The following RGPD4 variants were observed in gnomAD, a reference collection of about 807,000 sequenced individuals.
The protein encoded by RGPD4 is RANBP2 like and GRIP domain containing 4.
Under a neutral mutation model 141.1 loss-of-function variants are expected in RGPD4, and 84 were observed. The ratio of observed to expected loss-of-function variants is 0.60; its 90% CI spans 0.50 to 0.71. The LOEUF is 0.71. RGPD4 is among the 30% of genes least tolerant of loss of function. RGPD4 has a pLI of 0.00. For missense variants in RGPD4, 918 were observed against 1,622.4 expected (o/e 0.57, Z 7.46); for synonymous variants, 298 against 566.8 (o/e 0.53, Z 6.74).
At chr2:107,882,413 C>G (rs1238873396) in intron 21 of RGPD4, among the ~76,000 whole-genome samples, 4 of 151,694 alleles carry the variant, frequency 2.6e-5, no homozygotes, top group Admixed American at 2.0e-4. Flanking sequence ...AATCCACTTT[C>G]TAGGCAAATG....
chr2:107,869,185 T>C (rs1682827028), intron 18 of RGPD4, among the ~76,000 whole-genome samples: 1 of 69,452 alleles, frequency 1.4e-5, no homozygotes, highest in Admixed American at 1.2e-4. Flanking sequence ...GCATGAAAGA[T>C]CTTTTGGTTG....
At chr2:107,828,198 A>G (rs1258687232) in intron 1 of RGPD4, among the ~76,000 whole-genome samples, 3 of 11,748 alleles carry the variant, frequency 2.6e-4, no homozygotes, top group Admixed American at 9.0e-4. Flanking sequence ...CTGTTGAGGC[A>G]GCGGCCTCGA....
intron 22 of RGPD4, among the ~76,000 whole-genome samples, chr2:107,886,447 T>C (rs555668635): frequency 1.4e-5 from 2 of 140,914 alleles, no homozygotes; most frequent in Admixed American, 7.2e-5. Flanking sequence ...TACTATCTCA[T>C]GTACTAAAAG....
At position 107,871,698 on chromosome 2, in the gene RGPD4, T is replaced by C; in HGVS notation, c.3694T>C (p.Ser1232Pro). Residue 1232 changes from serine to proline, a missense_variant, in exon 20 of 23, where the codon TCA (serine) becomes CCA (proline). Physicochemically the swap from Ser to Pro is moderately conservative, Grantham distance 74. Transcript: ENST00000408999. ...KGSGTGAAGA[S>P]DTTIKPNPEN... The stretch of plus-strand genomic sequence containing the variant: ...TTCAGGTACAGGTGCGGCCGGTGCC[T>C]CAGACACAACAATAAAACCCAATCC... The C allele has an allele frequency of 6.2e-7, 1 of 1,610,016 alleles. No individual in the cohort carries two copies.
At chr2:107,831,603 T>A (rs1265295683) in intron 1 of RGPD4, among the ~76,000 whole-genome samples, 1 of 111,086 alleles carries the variant, frequency 9.0e-6, no homozygotes, top group Non-Finnish European at 1.7e-5. Context: ...TGAGACGGAG[T>A]CTCGCTCTAT....
rs917150707 is a variant in RGPD4, at chr2:107,844,731, AC to A, written c.782+1002del. On this transcript the variant is annotated intron_variant, in intron 6 of 22. Transcript: ENST00000408999. ...ATGTTTTATTTTGTGTTCTTTGTAT[AC>A]TCAAATTTTTTGGTCACAAGTTCCT... Among the ~76,000 whole-genome samples the A allele has an allele frequency of 3.1e-3, 383 of 123,596 alleles. 5 individuals carry two copies. Among genetic ancestry groups the A allele is most frequent in the African/African-American group, 0.011 (347 of 32,296 alleles). 81.1% of individuals were successfully genotyped at this position (123,596 alleles called of 152,430 possible). A position where few individuals can be genotyped will look rare whatever the true frequency, so the allele number is the denominator to read the frequency against.
intron 11 of RGPD4, 81 bp from the exon 12 acceptor site, chr2:107,859,641 T>A (rs1682467992): frequency 6.2e-7 from 1 of 1,611,430 alleles, no homozygotes; most frequent in African/African-American, 1.3e-5. Context: ...TAATTTGTCA[T>A]GTGACCCATT....
In RGPD4 at chr2:107,872,682, T is replaced by C. The variant is rs766571212; in HGVS notation, c.4678T>C (p.Phe1560Leu). 6.2e-7 allele frequency: 1 copy of C among 1,611,270 alleles called. No homozygotes were observed. The highest frequency in any genetic ancestry group is 1.7e-5 in the Admixed American group (1 of 59,950). The change falls in exon 20 of 23, where the codon TTT (phenylalanine) becomes CTT (leucine). Residue 1560 changes from phenylalanine to leucine, a missense_variant. Phe to Leu is a conservative substitution (Grantham distance 22). Coordinates refer to ENST00000408999, the MANE Select transcript of RGPD4 (RefSeq NM_182588.3). Reference sequence around the variant, plus strand: ...TAGTGAAAAATCAAAACCATTTGCATTTGGCAACAGTTCTGCCACTGGGTC... The same window carrying C: ...TAGTGAAAAATCAAAACCATTTGCACTTGGCAACAGTTCTGCCACTGGGTC... ...FSSEKSKPFAFGNSSATGSLF... is the reference protein window; with the variant it reads ...FSSEKSKPFALGNSSATGSLF...
intron 21 of RGPD4, among the ~76,000 whole-genome samples, chr2:107,881,905 C>T (rs1425823707): frequency 2.6e-5 from 4 of 151,844 alleles, no homozygotes; most frequent in East Asian, 1.9e-4. Context: ...TGATTAAGTG[C>T]CGTTCACTGT....
At chr2:107,886,019 C>A (rs1341605480) in intron 22 of RGPD4, among the ~76,000 whole-genome samples, 1 of 149,136 alleles carries the variant, frequency 6.7e-6, no homozygotes, top group Non-Finnish European at 1.5e-5. Context: ...TGCCATTGCA[C>A]TCCAGCCCGA....
intron 6 of RGPD4, among the ~76,000 whole-genome samples, chr2:107,844,397 T>G (rs1355211227): frequency 6.6e-6 from 1 of 152,206 alleles, no homozygotes; most frequent in Non-Finnish European, 1.5e-5. Flanking sequence ...TGTTTATGTA[T>G]TGTCTGTGGC....
chr2:107,854,900 C>G (rs1443703564), intron 8 of RGPD4, among the ~76,000 whole-genome samples: 1 of 146,252 alleles, frequency 6.8e-6, no homozygotes, highest in Non-Finnish European at 1.5e-5. Flanking sequence ...GCTAGAGCCT[C>G]TATCCTGAAT....
At chr2:107,854,287 C>A (rs551941199) in intron 7 of RGPD4, among the ~76,000 whole-genome samples, 40 of 150,976 alleles carry the variant, frequency 2.6e-4, no homozygotes, top group African/African-American at 8.5e-4. Flanking sequence ...TGGTCTCGAA[C>A]TCCTGACCTC....
chr2:107,845,954 T>G, intron 6 of RGPD4, among the ~76,000 whole-genome samples: 1 of 133,282 alleles, frequency 7.5e-6, no homozygotes, highest in African/African-American at 2.9e-5. Flanking sequence ...TGAGACGGAG[T>G]CTCGCTCTGT....
intron 22 of RGPD4, among the ~76,000 whole-genome samples, chr2:107,883,557 G>A (rs1354641504): frequency 1.1e-3 from 165 of 147,532 alleles, no homozygotes; most frequent in African/African-American, 4.1e-3. Context: ...TTGAACTCAC[G>A]AGGCGGAGGT....
chr2:107,830,129 T>C (rs1041073382), intron 1 of RGPD4, among the ~76,000 whole-genome samples: 1 of 151,876 alleles, frequency 6.6e-6, no homozygotes, highest in African/African-American at 2.4e-5. Context: ...CATACTCACC[T>C]CCCTCGCCCC....
At chr2:107,875,738 C>G (rs947470177) in intron 20 of RGPD4, among the ~76,000 whole-genome samples, 1 of 107,400 alleles carries the variant, frequency 9.3e-6, no homozygotes, top group South Asian at 3.6e-4. Context: ...TATCTAGTAT[C>G]ATGCTTGAAC....
intron 22 of RGPD4, among the ~76,000 whole-genome samples, chr2:107,883,622 T>C (rs1404280398): frequency 4.4e-3 from 266 of 59,982 alleles, no homozygotes; most frequent in Middle Eastern, 0.011. Context: ...CGAGACTCCA[T>C]CTCAAAAAAA....
rs760777964 is a variant in RGPD4, at chr2:107,871,122, C to G, written c.3118C>G (p.Pro1040Ala). The G allele has an allele frequency of 5.6e-6, 9 of 1,610,400 alleles. 1 individual carries two copies. In the African/African-American group the frequency reaches 1.2e-4, roughly 22 times the overall value. ...TEDSDDIHFE[P>A]VVQMPEKVEL... is the part of the protein sequence containing the mutation. The stretch of plus-strand genomic sequence containing the variant: ...GGACAGCGATGACATCCATTTTGAA[C>G]CAGTAGTTCAAATGCCTGAAAAAGT... Residue 1040 changes from proline to alanine, a missense_variant, in exon 20 of 23, where the codon CCA becomes GCA. Coordinates refer to ENST00000408999, the MANE Select transcript of RGPD4 (RefSeq NM_182588.3).
Sources: gnomAD v4.1 joint callset for allele counts (sites outside exome capture counted in the v4.1 genomes callset) on GRCh38, gnomAD v4.1.1 for gene constraint, MANE v1.5 for transcripts, NCBI Gene and HGNC (gene_info 2026-07-23, HGNC 2026-07-21) for gene names.